Variants in RBFOX1 observed in about 807,000 individuals in gnomAD.
The protein encoded by RBFOX1 is RNA binding fox-1 homolog 1.
Under a neutral mutation model 57.7 loss-of-function variants are expected in RBFOX1, and 8 were observed. That is an observed-to-expected ratio of 0.14 (90% CI 0.08 to 0.25). The LOEUF (loss-of-function observed/expected upper bound fraction) is 0.25, where lower values mean the gene tolerates loss of function less well. Among genes scored for constraint, RBFOX1 ranks in the 10% least tolerant of loss-of-function variants. The pLI is 1.00. For synonymous variants in RBFOX1, 326 were observed against 222.4 expected, an observed-to-expected ratio of 1.47 and a Z score of -4.15; for missense variants, 611 against 548.5, an observed-to-expected ratio of 1.11 and a Z score of -1.14.
chr16:7,332,664 C>G (rs994354553), intron 4 of RBFOX1: 37 of 431,674 alleles, frequency 8.6e-5, no homozygotes, highest in Non-Finnish European at 1.1e-4. Flanking sequence ...CTCTTGGTCT[C>G]TCTCTCTGTC....
intron 2 of RBFOX1, among the ~76,000 whole-genome samples, chr16:5,510,450 A>T (rs1256476916): frequency 3.3e-5 from 5 of 152,114 alleles, no homozygotes; most frequent in African/African-American, 1.2e-4. Flanking sequence ...GAGCAGAAAC[A>T]TGGCCTCTCA....
At chr16:5,392,902 C>G (rs1300216630) in intron 1 of RBFOX1, among the ~76,000 whole-genome samples, 2 of 152,148 alleles carry the variant, frequency 1.3e-5, no homozygotes, top group Non-Finnish European at 2.9e-5. Context: ...TGGCACTTAC[C>G]TGCTCATTTT....
At chr16:5,965,886 C>A (rs1220261619) in intron 4 of RBFOX1, among the ~76,000 whole-genome samples, 3 of 152,146 alleles carry the variant, frequency 2.0e-5, no homozygotes, top group Non-Finnish European at 4.4e-5. Flanking sequence ...CTCCAGCTCA[C>A]ACCTCTCATT....
At chr16:7,576,599 C>T (rs1355475597) in intron 5 of RBFOX1, among the ~76,000 whole-genome samples, 3 of 152,146 alleles carry the variant, frequency 2.0e-5, no homozygotes, top group Admixed American at 6.5e-5. Flanking sequence ...ATTAATTGAG[C>T]GTTGTATGTT....
intron 2 of RBFOX1, among the ~76,000 whole-genome samples, chr16:6,395,152 A>G (rs1350632413): frequency 6.6e-6 from 1 of 152,252 alleles, no homozygotes; most frequent in Non-Finnish European, 1.5e-5. Flanking sequence ...TTCAGCTGGC[A>G]TGTGGAAATG....
At chr16:7,498,667 G>A (rs533581579) in intron 4 of RBFOX1, among the ~76,000 whole-genome samples, 35 of 152,190 alleles carry the variant, frequency 2.3e-4, no homozygotes, top group African/African-American at 7.7e-4. Flanking sequence ...GAAATCTGGC[G>A]TGCAGTTGCC....
At chr16:7,280,112 G>C (rs2095512628) in intron 4 of RBFOX1, among the ~76,000 whole-genome samples, 1 of 152,202 alleles carries the variant, frequency 6.6e-6, no homozygotes, top group Admixed American at 6.5e-5. Context: ...TCTGAATCCT[G>C]GCTGAGTTTG....
At chr16:7,145,984 C>T (rs556928854) in intron 4 of RBFOX1, among the ~76,000 whole-genome samples, 1 of 152,294 alleles carries the variant, frequency 6.6e-6, no homozygotes, top group Admixed American at 6.5e-5. Context: ...ACTAGTCACC[C>T]CATCTGTGTC....
intron 1 of RBFOX1, among the ~76,000 whole-genome samples, chr16:6,237,117 G>T (rs2097510926): frequency 6.6e-6 from 1 of 152,136 alleles, no homozygotes; most frequent in Non-Finnish European, 1.5e-5. Flanking sequence ...CCAAAATCAT[G>T]GTACTTACTA....
chr16:6,035,838 A>T (rs2152400528), intron 1 of RBFOX1, among the ~76,000 whole-genome samples: 1 of 152,328 alleles, frequency 6.6e-6, no homozygotes, highest in Non-Finnish European at 1.5e-5. Flanking sequence ...CTTTCCAAAG[A>T]GGCAAGCTTA....
intron 5 of RBFOX1, among the ~76,000 whole-genome samples, chr16:7,543,543 G>T (rs1293245253): frequency 6.6e-6 from 1 of 152,122 alleles, no homozygotes; most frequent in Non-Finnish European, 1.5e-5. Context: ...TGAAATGTGT[G>T]TGTACCCCTG....
chr16:6,703,270 T>C (rs2062139507), intron 3 of RBFOX1, among the ~76,000 whole-genome samples: 1 of 151,396 alleles, frequency 6.6e-6, no homozygotes, highest in Non-Finnish European at 1.5e-5. Flanking sequence ...GAGCTGTTAA[T>C]TTCATTTCAT....
At chr16:7,119,458 T>G (rs2066629049) in intron 4 of RBFOX1, among the ~76,000 whole-genome samples, 1 of 151,994 alleles carries the variant, frequency 6.6e-6, no homozygotes, top group African/African-American at 2.4e-5. Context: ...AACTGACCAC[T>G]GACAATTCAA....
Position 7,311,478 on chromosome 16 carries a change from C to CTTTTTTT in RBFOX1, c.28-206657_28-206651dup, listed in dbSNP as rs1190746565. Among the ~76,000 whole-genome samples, 30 of 122,462 alleles carry CTTTTTTT rather than the reference C, an allele frequency of 2.4e-4. 1 individual carries two copies. Among genetic ancestry groups the CTTTTTTT allele is most frequent in the Admixed American group, 2.7e-4 (3 of 11,302 alleles). 80.3% of individuals were successfully genotyped at this position (122,462 alleles called of 152,430 possible). ...AAGGTTTAGTCTTGATGAGCCTTTT[C>CTTTTTTT]TTTTTTTTTTTTTTTTTTGGCATTC... is the stretch of plus-strand genomic sequence containing the variant. On this transcript the variant is annotated intron_variant, in intron 4 of 15. Transcript: ENST00000550418.
intron 2 of RBFOX1, among the ~76,000 whole-genome samples, chr16:6,421,905 T>A (rs1034781552): frequency 2.0e-5 from 3 of 148,764 alleles, no homozygotes; most frequent in Admixed American, 2.0e-4. Flanking sequence ...CTGTTCCTCC[T>A]GTTTAGGGAC....
chr16:6,005,747 C>G (rs2060682076), intron 4 of RBFOX1, among the ~76,000 whole-genome samples: 1 of 152,086 alleles, frequency 6.6e-6, no homozygotes, highest in Non-Finnish European at 1.5e-5. Context: ...GATATTTACA[C>G]AATTTGTTAG....
At chr16:6,426,901 AT>A (rs1294368653) in intron 2 of RBFOX1, among the ~76,000 whole-genome samples, 1 of 152,174 alleles carries the variant, frequency 6.6e-6, no homozygotes, top group African/African-American at 2.4e-5. Flanking sequence ...TCACGCTGTC[AT>A]CCCTGGAGTC....
chr16:6,806,817 A>AATATATAAATATATAT (rs1366370826), intron 3 of RBFOX1, among the ~76,000 whole-genome samples: 74 of 85,114 alleles, frequency 8.7e-4, no homozygotes, highest in African/African-American at 3.0e-3. Flanking sequence ...TAAATATATA[A>AATATATAAATATATAT]ATATATATAT....
chr16:6,984,085 T>G, intron 3 of RBFOX1, among the ~76,000 whole-genome samples: 1 of 152,100 alleles, frequency 6.6e-6, no homozygotes, highest in Non-Finnish European at 1.5e-5. Flanking sequence ...CTGTCTCTAC[T>G]AAAAATACGA....
Sources: allele counts gnomAD v4.1 joint callset (sites outside exome capture counted in the v4.1 genomes callset), GRCh38; gene constraint gnomAD v4.1.1; transcripts MANE v1.5; gene names NCBI Gene and HGNC (gene_info 2026-07-23, HGNC 2026-07-21).